Variants in KLF12 observed in about 807,000 individuals in gnomAD.
KLF12 encodes KLF transcription factor 12.
KLF12 carries 9 observed loss-of-function variants against 37.8 expected under a neutral mutation model. That is an observed-to-expected ratio of 0.24 (90% CI 0.14 to 0.42). The LOEUF (loss-of-function observed/expected upper bound fraction) is 0.42, where lower values mean the gene tolerates loss of function less well. Ranked by LOEUF, KLF12 falls within the 10% of genes least tolerant of loss-of-function variation. The pLI, the probability that KLF12 is intolerant of heterozygous loss-of-function variation, is 1.00. For synonymous variants in KLF12, 208 were observed against 202.1 expected, an observed-to-expected ratio of 1.03 and a Z score of -0.25; for missense variants, 411 against 516.0, an observed-to-expected ratio of 0.80 and a Z score of 1.97.
intron 6 of KLF12, among the ~76,000 whole-genome samples, chr13:73,747,018 T>C (rs957638072): frequency 6.6e-6 from 1 of 152,096 alleles, no homozygotes; most frequent in Non-Finnish European, 1.5e-5. Context: ...GATTTCACCA[T>C]GTTGGTCAGG....
intron 6 of KLF12, among the ~76,000 whole-genome samples, chr13:73,733,344 T>C (rs1877213047): frequency 6.6e-6 from 1 of 152,170 alleles, no homozygotes; most frequent in African/African-American, 2.4e-5. Flanking sequence ...ACCTCTACTA[T>C]ATTTTTTGTC....
chr13:74,133,307 T>C (rs960652160), intron 1 of KLF12, among the ~76,000 whole-genome samples: 1 of 151,780 alleles, frequency 6.6e-6, no homozygotes, highest in Non-Finnish European at 1.5e-5. Flanking sequence ...GGCCAACTAC[T>C]TCCACGAGCC....
chr13:73,806,638 A>AC (rs1343670866), intron 5 of KLF12, among the ~76,000 whole-genome samples: 1 of 146,368 alleles, frequency 6.8e-6, no homozygotes, highest in Non-Finnish European at 1.5e-5. Flanking sequence ...ATGAACTTGC[A>AC]AAAAAACAAA....
intron 2 of KLF12, among the ~76,000 whole-genome samples, chr13:73,983,286 C>A (rs1008078374): frequency 6.6e-6 from 1 of 152,206 alleles, no homozygotes; most frequent in Non-Finnish European, 1.5e-5. Context: ...TGCTTTCCAG[C>A]CCTGCTGTAC....
At chr13:73,778,423 G>A (rs999018025) in intron 5 of KLF12, among the ~76,000 whole-genome samples, 3 of 152,130 alleles carry the variant, frequency 2.0e-5, no homozygotes, top group Non-Finnish European at 4.4e-5. Flanking sequence ...CGCACGTGGT[G>A]CAATCACGGC....
chr13:74,204,229 A>T, the KLF12 span, among the ~76,000 whole-genome samples: 1 of 152,172 alleles, frequency 6.6e-6, no homozygotes, highest in Non-Finnish European at 1.5e-5. Context: ...TTGTTGCACA[A>T]TGGAAATAAT....
intron 5 of KLF12, among the ~76,000 whole-genome samples, chr13:73,769,260 A>G (rs1471451145): frequency 1.3e-5 from 2 of 152,224 alleles, no homozygotes; most frequent in Non-Finnish European, 2.9e-5. Flanking sequence ...AATCCAATGT[A>G]GTTGGTATCC....
intron 4 of KLF12, chr13:73,844,642 A>G (rs1884921001): frequency 6.6e-6 from 1 of 152,196 alleles, no homozygotes; most frequent in African/African-American, 2.4e-5. Flanking sequence ...TGAATGCACA[A>G]TTTTGTAATT....
At position 74,071,380 on chromosome 13, in the gene KLF12, T is replaced by A. The variant is rs141378852; in HGVS notation, c.-32+62359A>T. On this transcript the variant is annotated intron_variant, in intron 1 of 7. Coordinates refer to ENST00000377669, the MANE Select transcript of KLF12 (RefSeq NM_007249.5). ...CGCAAGACTAAAATTTTTTAAAACT[T>A]CATCAAGTTTTAAGAAATGACTGGG... is the stretch of plus-strand genomic sequence containing the variant. 5.2e-3 allele frequency among the ~76,000 whole-genome samples: 795 copies of A among 152,212 alleles called. 12 individuals carry two copies. The highest frequency in any genetic ancestry group is 0.018 in the African/African-American group (758 of 41,528).
intron 3 of KLF12, among the ~76,000 whole-genome samples, chr13:73,849,184 C>A (rs1885183948): frequency 6.6e-6 from 1 of 152,062 alleles, no homozygotes. Context: ...CTCCTGAAAT[C>A]ATCATTAGAA....
chr13:73,835,706 C>T (rs777289742), intron 4 of KLF12, among the ~76,000 whole-genome samples: 5 of 152,122 alleles, frequency 3.3e-5, no homozygotes, highest in Non-Finnish European at 5.9e-5. Flanking sequence ...AGTATATATA[C>T]ACACCCCCTG....
At chr13:74,001,661 T>A (rs1566499674) in intron 1 of KLF12, among the ~76,000 whole-genome samples, 1 of 152,186 alleles carries the variant, frequency 6.6e-6, no homozygotes, top group Non-Finnish European at 1.5e-5. Context: ...AACAGTTTGC[T>A]TAGTGAATAA....
the KLF12 span, among the ~76,000 whole-genome samples, chr13:74,147,633 G>C: frequency 2.0e-5 from 3 of 152,102 alleles, no homozygotes; most frequent in Admixed American, 2.0e-4. Context: ...ACATTCCCTA[G>C]TCAATTGACT....
chr13:73,795,409 A>G (rs551899987), intron 5 of KLF12, among the ~76,000 whole-genome samples: 4 of 152,342 alleles, frequency 2.6e-5, no homozygotes, highest in Admixed American at 2.6e-4. Flanking sequence ...CCACAAACCT[A>G]GCTTGGTATC....
intron 3 of KLF12, among the ~76,000 whole-genome samples, chr13:73,937,296 G>A (rs529084311): frequency 3.9e-5 from 6 of 152,182 alleles, no homozygotes; most frequent in South Asian, 2.1e-4. Context: ...GAGAAAACAC[G>A]CTTGATGGTC....
chr13:73,714,984 T>G (rs1046684733), intron 7 of KLF12, among the ~76,000 whole-genome samples: 3 of 152,134 alleles, frequency 2.0e-5, no homozygotes, highest in African/African-American at 7.2e-5. Context: ...GGGAGAGAGT[T>G]TTGAGGAGAG....
chr13:74,271,285 C>T, the KLF12 span, among the ~76,000 whole-genome samples: 388 of 152,270 alleles, frequency 2.5e-3, 3 homozygotes, highest in African/African-American at 9.0e-3. Context: ...GAATAACTTT[C>T]TGTTGTCTGC....
rs977091280 is a variant in KLF12, at chr13:73,986,486, C to G, written c.33+8504G>C. On this transcript the variant is annotated intron_variant, in intron 2 of 7. Transcript: ENST00000377669. ...TGTTTATGACAAAGGTAACATGTAC[C>G]TGCAATCACAGTCACTTACGTTTTT... Among the ~76,000 whole-genome samples, 10 of 152,238 alleles carry G rather than the reference C, an allele frequency of 6.6e-5. No individual in the cohort carries two copies. The South Asian group carries it at 1.5e-3, about 22-fold the overall frequency.
At chr13:74,162,604 T>A in the KLF12 span, among the ~76,000 whole-genome samples, 1 of 152,204 alleles carries the variant, frequency 6.6e-6, no homozygotes. Context: ...TCTCTTGTAT[T>A]TCTCTCCTTC....
Sources: gnomAD v4.1 joint callset for allele counts (sites outside exome capture counted in the v4.1 genomes callset) on GRCh38, gnomAD v4.1.1 for gene constraint, MANE v1.5 for transcripts, NCBI Gene and HGNC (gene_info 2026-07-23, HGNC 2026-07-21) for gene names.